MTX2: variants seen among roughly 807,000 people sequenced by gnomAD.
MTX2 encodes metaxin 2.
A neutral mutation model predicts 42.3 loss-of-function variants in MTX2; 35 were observed. That is an observed-to-expected ratio of 0.83 (90% CI 0.63 to 1.10). MTX2 has a LOEUF of 1.10. Among genes scored for constraint, MTX2 ranks in the 50% least tolerant of loss-of-function variants. The probability of loss-of-function intolerance (pLI) is 0.00; values close to 1 mark genes in which losing one functional copy is unlikely to be tolerated. For missense variants in MTX2, 307 were observed against 304.1 expected (o/e 1.01, Z -0.07); for synonymous variants, 119 against 100.9 (o/e 1.18, Z -1.08).
chr2:176,329,977 C>A (rs1012420407), intron 8 of MTX2, among the ~76,000 whole-genome samples: 3 of 150,884 alleles, frequency 2.0e-5, no homozygotes, highest in Non-Finnish European at 4.5e-5. Context: ...CTTATCTTGT[C>A]CACAAGCATC....
At chr2:176,305,357 AATAT>A (rs1444678832) in intron 3 of MTX2, among the ~76,000 whole-genome samples, 1 of 151,984 alleles carries the variant, frequency 6.6e-6, no homozygotes, top group Non-Finnish European at 1.5e-5. Context: ...TCAGAAAAAG[AATAT>A]ATATATTTTT....
At chr2:176,274,949 T>C (rs1166613864) in intron 1 of MTX2, among the ~76,000 whole-genome samples, 1 of 152,160 alleles carries the variant, frequency 6.6e-6, no homozygotes, top group Admixed American at 6.5e-5. Context: ...TGGCGGAGAA[T>C]ATCCCTTGTA....
chr2:176,280,170 A>C (rs1245102560), intron 1 of MTX2, among the ~76,000 whole-genome samples: 13 of 152,212 alleles, frequency 8.5e-5, no homozygotes. Context: ...CCAGGGAGTC[A>C]GGGTGATGTG....
intron 3 of MTX2, among the ~76,000 whole-genome samples, chr2:176,321,738 G>T (rs1684587340): frequency 1.3e-5 from 2 of 152,188 alleles, no homozygotes; most frequent in Non-Finnish European, 2.9e-5. Flanking sequence ...TAGTCCAGTT[G>T]GCCATACCCA....
At chr2:176,320,532 A>G (rs1284172633) in intron 3 of MTX2, among the ~76,000 whole-genome samples, 1 of 151,922 alleles carries the variant, frequency 6.6e-6, no homozygotes, top group African/African-American at 2.4e-5. Flanking sequence ...TTCTCCTTCT[A>G]TTTCGTAAAA....
At chr2:176,278,889 TCTC>T (rs1173009925) in intron 1 of MTX2, among the ~76,000 whole-genome samples, 1 of 152,182 alleles carries the variant, frequency 6.6e-6, no homozygotes, top group African/African-American at 2.4e-5. Context: ...TAAATGATCC[TCTC>T]CTCTATTCTT....
chr2:176,287,187 C>G (rs1251299225), intron 1 of MTX2, among the ~76,000 whole-genome samples: 1 of 152,124 alleles, frequency 6.6e-6, no homozygotes, highest in Non-Finnish European at 1.5e-5. Context: ...TGGGCAGTTA[C>G]TTGGTTTTCT....
At chr2:176,288,725 A>G (rs778327762) in intron 1 of MTX2, among the ~76,000 whole-genome samples, 3 of 151,910 alleles carry the variant, frequency 2.0e-5, no homozygotes, top group Non-Finnish European at 4.4e-5. Flanking sequence ...CTGAAGCAGC[A>G]TGTAATATTA....
Position 176,269,475 on chromosome 2 carries a change from C to T in MTX2, c.-155C>T, listed in dbSNP as rs770993416. ...CCAGGCCTGGCGGTAACCTTGGGGG[C>T]CTCACTGCAGCCGCCGCTGCTGTTG... On this transcript the variant is annotated 5_prime_UTR_variant, in exon 1 of 10. Coordinates refer to ENST00000249442, the MANE Select transcript of MTX2 (RefSeq NM_006554.5). 187 of 787,030 alleles carry T rather than the reference C, an allele frequency of 2.4e-4. No individual in the cohort carries two copies. The highest frequency in any genetic ancestry group is 3.2e-4 in the Admixed American group (9 of 28,472). The allele number at this position is 787,030 out of a possible 1,614,324, so 48.8% of individuals were successfully genotyped here. A position where few individuals can be genotyped will look rare whatever the true frequency, so the allele number is the denominator to read the frequency against.
intron 3 of MTX2, among the ~76,000 whole-genome samples, chr2:176,321,831 G>A (rs1684589829): frequency 6.6e-6 from 1 of 151,880 alleles, no homozygotes; most frequent in African/African-American, 2.4e-5. Context: ...GGAAAGGAGA[G>A]AACATATGTG....
chr2:176,284,805 A>G (rs1387486366), intron 1 of MTX2, among the ~76,000 whole-genome samples: 5 of 152,230 alleles, frequency 3.3e-5, no homozygotes, highest in Admixed American at 1.3e-4. Flanking sequence ...TAAAAAGAAC[A>G]TAATCTTATC....
At chr2:176,292,022 A>G (rs999237744) in intron 1 of MTX2, among the ~76,000 whole-genome samples, 1 of 152,220 alleles carries the variant, frequency 6.6e-6, no homozygotes, top group Non-Finnish European at 1.5e-5. Flanking sequence ...ACACATAACT[A>G]TTGATGTGTC....
chr2:176,299,483 G>A (rs1359809328), intron 3 of MTX2, among the ~76,000 whole-genome samples: 1 of 151,908 alleles, frequency 6.6e-6, no homozygotes, highest in Non-Finnish European at 1.5e-5. Context: ...AATCATAGTT[G>A]CAATTAAAAA....
At chr2:176,291,508 T>C (rs1411945030) in intron 1 of MTX2, among the ~76,000 whole-genome samples, 1 of 152,134 alleles carries the variant, frequency 6.6e-6, no homozygotes, top group African/African-American at 2.4e-5. Context: ...AATACTTAAA[T>C]GTAAAAATAC....
At chr2:176,273,739 T>C (rs1692878913) in intron 1 of MTX2, among the ~76,000 whole-genome samples, 1 of 152,224 alleles carries the variant, frequency 6.6e-6, no homozygotes, top group South Asian at 2.1e-4. Flanking sequence ...GGACTTATTC[T>C]GTCCATTTCT....
intron 3 of MTX2, among the ~76,000 whole-genome samples, chr2:176,310,438 G>A (rs1348755207): frequency 2.6e-5 from 4 of 152,166 alleles, no homozygotes; most frequent in Non-Finnish European, 5.9e-5. Flanking sequence ...GAATTTGGAT[G>A]TTGGCCTACC....
chr2:176,270,320 G>T (rs777297137), intron 1 of MTX2: 2 of 1,330,482 alleles, frequency 1.5e-6, no homozygotes, highest in East Asian at 9.3e-5. Flanking sequence ...ACAGGCGCCC[G>T]CCACCACGCC....
rs1684799214 is a variant in MTX2, at chr2:176,329,375, A to G, written c.492A>G (p.Glu164=). Residue 164 remains glutamate, a synonymous_variant, in exon 8 of 10, where the codon GAA becomes GAG. Coordinates refer to ENST00000249442, the MANE Select transcript of MTX2 (RefSeq NM_006554.5). ...TTTTGGCCTATCAAAAACAGTGGGA[A>G]GTCAAACGTAAGATGAAAGCTATTG... ...NHILAYQKQW[E]VKRKMKAIGW... 1 of 1,607,998 alleles carries G rather than the reference A, an allele frequency of 6.2e-7. No homozygotes were observed. The highest frequency in any genetic ancestry group is 8.5e-7 in the Non-Finnish European group (1 of 1,175,790).
intron 3 of MTX2, among the ~76,000 whole-genome samples, chr2:176,318,790 G>A (rs865954767): frequency 6.6e-6 from 1 of 152,128 alleles, no homozygotes; most frequent in South Asian, 2.1e-4. Context: ...ATATATCCAT[G>A]CTGTCTGATA....
Sources: gnomAD v4.1 joint callset for allele counts (sites outside exome capture counted in the v4.1 genomes callset) on GRCh38, gnomAD v4.1.1 for gene constraint, MANE v1.5 for transcripts, NCBI Gene and HGNC (gene_info 2026-07-23, HGNC 2026-07-21) for gene names.